The following SYNPR variants were observed in gnomAD, a reference collection of about 807,000 sequenced individuals.
SYNPR encodes synaptoporin.
A neutral mutation model predicts 32.9 loss-of-function variants in SYNPR; 23 were observed. The observed-to-expected ratio is 0.70, with a 90% CI of 0.50 to 0.99. The LOEUF (loss-of-function observed/expected upper bound fraction) is 0.99. SYNPR is among the 50% of genes least tolerant of loss of function. The pLI, the probability that SYNPR is intolerant of heterozygous loss-of-function variation, is 0.00. For missense variants in SYNPR, 318 were observed against 349.3 expected, an observed-to-expected ratio of 0.91 and a Z score of 0.71; for synonymous variants, 146 against 135.9, an observed-to-expected ratio of 1.07 and a Z score of -0.52.
chr3:63,460,572 C>CAA (rs11390803), intron 2 of SYNPR, among the ~76,000 whole-genome samples: 10,561 of 45,358 alleles, frequency 0.23, 1,450 homozygotes, highest in African/African-American at 0.26. Flanking sequence ...ATTGGTAGAC[C>CAA]AAAAAAAAAA....
intron 2 of SYNPR, among the ~76,000 whole-genome samples, chr3:63,260,158 T>C (rs1291706286): frequency 2.0e-5 from 3 of 152,218 alleles, no homozygotes; most frequent in Non-Finnish European, 4.4e-5. Flanking sequence ...AGGTAATTTA[T>C]AGATTCAATG....
chr3:63,464,268 C>T (rs1700638994), intron 2 of SYNPR, among the ~76,000 whole-genome samples: 1 of 152,106 alleles, frequency 6.6e-6, no homozygotes, highest in African/African-American at 2.4e-5. Context: ...TCTGGGCTTA[C>T]TGGCCCTCAT....
At chr3:63,351,595 T>C (rs2107018758) in intron 2 of SYNPR, 1 of 152,352 alleles carries the variant, frequency 6.6e-6, no homozygotes, top group African/African-American at 2.4e-5. Flanking sequence ...GAATGTTATC[T>C]GAGATGACAA....
At chr3:63,286,241 C>T (rs1490540749) in intron 2 of SYNPR, among the ~76,000 whole-genome samples, 6 of 152,172 alleles carry the variant, frequency 3.9e-5, no homozygotes, top group South Asian at 2.1e-4. Context: ...TGAACCTAAA[C>T]GAGAACGTCT....
intron 2 of SYNPR, among the ~76,000 whole-genome samples, chr3:63,317,775 T>C (rs1285841632): frequency 6.6e-6 from 1 of 152,060 alleles, no homozygotes; most frequent in Admixed American, 6.6e-5. Context: ...ATCATGCTTT[T>C]TGTTACTTGT....
chr3:63,556,920 C>T (rs1157610112), intron 4 of SYNPR, among the ~76,000 whole-genome samples, 179 bp downstream of exon 4: 1 of 152,160 alleles, frequency 6.6e-6, no homozygotes, highest in Admixed American at 6.6e-5. Flanking sequence ...ATCTCTTGTG[C>T]TCCTGGGCTG....
intron 3 of SYNPR, among the ~76,000 whole-genome samples, chr3:63,548,125 C>T (rs901246591): frequency 6.6e-6 from 1 of 152,168 alleles, no homozygotes; most frequent in East Asian, 1.9e-4. Flanking sequence ...ATTGTCTCCC[C>T]ATCTGTTTCT....
intron 2 of SYNPR, among the ~76,000 whole-genome samples, chr3:63,342,419 T>C (rs2087382536): frequency 2.0e-5 from 3 of 152,220 alleles, no homozygotes; most frequent in Admixed American, 6.5e-5. Flanking sequence ...ATGGGTTACA[T>C]TGATCGTATT....
intron 3 of SYNPR, among the ~76,000 whole-genome samples, chr3:63,494,872 C>G (rs1701342073): frequency 6.6e-6 from 1 of 152,016 alleles, no homozygotes; most frequent in African/African-American, 2.4e-5. Context: ...TTGACAAGTC[C>G]CCACAATTGC....
chr3:63,283,120 C>T (rs1056238432), intron 2 of SYNPR, among the ~76,000 whole-genome samples: 12 of 152,114 alleles, frequency 7.9e-5, no homozygotes, highest in African/African-American at 2.9e-4. Flanking sequence ...TACAGTTGTG[C>T]ACACACACAA....
chr3:63,282,079 T>G (rs975836446), intron 2 of SYNPR, among the ~76,000 whole-genome samples: 1 of 152,222 alleles, frequency 6.6e-6, no homozygotes, highest in Non-Finnish European at 1.5e-5. Flanking sequence ...TAATATTCAG[T>G]GCAGCAGAAG....
At chr3:63,336,041 C>G (rs1455984613) in intron 2 of SYNPR, among the ~76,000 whole-genome samples, 1 of 151,940 alleles carries the variant, frequency 6.6e-6, no homozygotes, top group Non-Finnish European at 1.5e-5. Context: ...CTCCCATTAG[C>G]TTCCTTTTTT....
At chr3:63,585,574 C>A (rs2106868475) in intron 4 of SYNPR, among the ~76,000 whole-genome samples, 2 of 152,056 alleles carry the variant, frequency 1.3e-5, no homozygotes, top group East Asian at 3.9e-4. Flanking sequence ...TAAGCTTTAT[C>A]CACAACTTCC....
At chr3:63,223,621 T>A (rs1199111765), upstream of SYNPR, among the ~76,000 whole-genome samples, 4 of 152,138 alleles carry the variant, frequency 2.6e-5, no homozygotes, top group Non-Finnish European at 5.9e-5. Flanking sequence ...AATTCCTTTT[T>A]AAAACATAAA....
intron 2 of SYNPR, among the ~76,000 whole-genome samples, chr3:63,405,809 C>T (rs1445745843): frequency 1.3e-5 from 2 of 152,088 alleles, no homozygotes; most frequent in African/African-American, 4.8e-5. Flanking sequence ...TAATAGAATC[C>T]ACAAAGCCTT....
At chr3:63,509,967 T>A (rs1701665472) in intron 3 of SYNPR, among the ~76,000 whole-genome samples, 1 of 59,892 alleles carries the variant, frequency 1.7e-5, no homozygotes, top group Non-Finnish European at 4.5e-5. Context: ...TTTGCTTCCT[T>A]TTTTTCCTTT....
At chr3:63,278,222 G>T, upstream of SYNPR, 1 of 322,880 alleles carries the variant, frequency 3.1e-6, no homozygotes, top group Non-Finnish European at 5.7e-6. Context: ...CCTCTGGAGC[G>T]CGGCTGGCCA....
intron 4 of SYNPR, among the ~76,000 whole-genome samples, chr3:63,559,716 T>C (rs935135777): frequency 6.6e-6 from 1 of 151,836 alleles, no homozygotes; most frequent in African/African-American, 2.4e-5. Flanking sequence ...TTTTTTTTTT[T>C]CTATCTCAAA....
At chr3:63,570,526 C>T (rs1057092821) in intron 4 of SYNPR, among the ~76,000 whole-genome samples, 1 of 152,146 alleles carries the variant, frequency 6.6e-6, no homozygotes, top group African/African-American at 2.4e-5. Context: ...TTCTGCATAG[C>T]TACTGAGCTG....
Sources: allele counts gnomAD v4.1 joint callset (sites outside exome capture counted in the v4.1 genomes callset), GRCh38; gene constraint gnomAD v4.1.1; transcripts MANE v1.5; gene names NCBI Gene and HGNC (gene_info 2026-07-23, HGNC 2026-07-21).